The following RCSD1 variants were observed in gnomAD, a reference collection of about 807,000 sequenced individuals.
RCSD1 encodes the protein capZ-interacting protein.
Under a neutral mutation model 42.5 loss-of-function variants are expected in RCSD1, and 26 were observed. The ratio of observed to expected loss-of-function variants is 0.61; its 90% confidence interval spans 0.45 to 0.85. The LOEUF (loss-of-function observed/expected upper bound fraction) is 0.85, where lower values mean the gene tolerates loss of function less well. Among genes scored for constraint, RCSD1 ranks in the 40% least tolerant of loss-of-function variants. The pLI is 0.00. For synonymous variants in RCSD1, 220 were observed against 212.2 expected (o/e 1.04, Z -0.32); for missense variants, 571 against 528.3 (o/e 1.08, Z -0.79).
intron 2 of RCSD1, 125 bp downstream of exon 2, chr1:167,684,126 G>A: frequency 1.4e-6 from 1 of 727,224 alleles, no homozygotes; most frequent in East Asian, 2.5e-5. Flanking sequence ...AGAAGCCAGG[G>A]GCTGGAGGGG....
chr1:167,655,656 G>A (rs1371990323), intron 1 of RCSD1, among the ~76,000 whole-genome samples: 1 of 152,158 alleles, frequency 6.6e-6, no homozygotes, highest in Non-Finnish European at 1.5e-5. Flanking sequence ...AATACCAGCT[G>A]ATAAGAGGTA....
At chr1:167,695,740 G>A (rs1659484892) in intron 5 of RCSD1, among the ~76,000 whole-genome samples, 1 of 151,926 alleles carries the variant, frequency 6.6e-6, no homozygotes, top group African/African-American at 2.4e-5. Flanking sequence ...CCAGGCTCCT[G>A]CAGCTTCTGG....
chr1:167,636,919 T>C (rs1657874655), intron 1 of RCSD1, among the ~76,000 whole-genome samples: 2 of 152,202 alleles, frequency 1.3e-5, no homozygotes, highest in Admixed American at 1.3e-4. Context: ...AAGCACACAC[T>C]GAGCCCTTAC....
chr1:167,632,739 G>T (rs1346443157), intron 1 of RCSD1, among the ~76,000 whole-genome samples: 1 of 138,704 alleles, frequency 7.2e-6, no homozygotes. Context: ...TTGGACAGTG[G>T]CTGCTTTTGA....
At chr1:167,635,588 C>T (rs1314415276) in intron 1 of RCSD1, among the ~76,000 whole-genome samples, 1 of 152,214 alleles carries the variant, frequency 6.6e-6, no homozygotes, top group Non-Finnish European at 1.5e-5. Context: ...GGCGGCTCAG[C>T]AGCCCGGTAA....
At chr1:167,653,419 G>A (rs1481364847) in intron 1 of RCSD1, among the ~76,000 whole-genome samples, 1 of 152,184 alleles carries the variant, frequency 6.6e-6, no homozygotes, top group Non-Finnish European at 1.5e-5. Flanking sequence ...TGGGGGGAGA[G>A]TTTCTAAAAT....
intron 1 of RCSD1, among the ~76,000 whole-genome samples, chr1:167,676,570 A>T (rs773700944): frequency 6.6e-6 from 1 of 151,946 alleles, no homozygotes; most frequent in Non-Finnish European, 1.5e-5. Flanking sequence ...TTATGCTTGT[A>T]CAACAGTTGG....
chr1:167,702,253 G>A (rs1467626549), intron 6 of RCSD1, among the ~76,000 whole-genome samples: 1 of 152,214 alleles, frequency 6.6e-6, no homozygotes, highest in Non-Finnish European at 1.5e-5. Flanking sequence ...AGTTCCATAA[G>A]TGCGCCAAAG....
intron 4 of RCSD1, among the ~76,000 whole-genome samples, chr1:167,693,426 C>G (rs61808918): frequency 0.013 from 2,030 of 152,298 alleles, 29 homozygotes; most frequent in Non-Finnish European, 0.019. Flanking sequence ...TCATTTTGAT[C>G]GGGTCACACC....
rs1466664739 is a variant in RCSD1 at position 167,683,772 on chromosome 1, C to A, written c.7-128C>A. 3.7e-5 allele frequency: 31 copies of A among 843,042 alleles called. No individual in the cohort carries two copies. The East Asian group carries it at 6.6e-4, about 18-fold the overall frequency. The allele number at this position is 843,042 out of a possible 1,614,324, so 52.2% of individuals were successfully genotyped here. ...TTTTTTAAGTCCTTGAATGCAGGAGCCAGTTGGATAATGCTGTTAAAATAC... is the reference window on the plus strand; with the variant it reads ...TTTTTTAAGTCCTTGAATGCAGGAGACAGTTGGATAATGCTGTTAAAATAC... On this transcript the variant is annotated intron_variant, in intron 1 of 6. Transcript: ENST00000367854.
intron 1 of RCSD1, among the ~76,000 whole-genome samples, chr1:167,678,568 A>G (rs1026710533): frequency 6.6e-6 from 1 of 151,468 alleles, no homozygotes; most frequent in Non-Finnish European, 1.5e-5. Context: ...AGCCCTGTTC[A>G]CTCCCGCACC....
chr1:167,630,628 G>T, intron 1 of RCSD1, 199 bp downstream of exon 1: 2 of 432,740 alleles, frequency 4.6e-6, no homozygotes, highest in South Asian at 1.1e-4. Flanking sequence ...AGGACACCCG[G>T]GTTGGGAGGC....
intron 1 of RCSD1, among the ~76,000 whole-genome samples, chr1:167,670,352 C>T (rs199855950): frequency 2.3e-5 from 1 of 42,594 alleles, no homozygotes; most frequent in African/African-American, 1.1e-4. Flanking sequence ...TTTCCCTTTG[C>T]AAAAGAAAAA....
chr1:167,638,170 A>G (rs1657908558), intron 1 of RCSD1, among the ~76,000 whole-genome samples: 1 of 152,106 alleles, frequency 6.6e-6, no homozygotes, highest in Admixed American at 6.5e-5. Context: ...TCTGAAGCAC[A>G]TTCCCAGGAT....
chr1:167,640,566 T>A (rs1657980284), intron 1 of RCSD1: 2 of 152,256 alleles, frequency 1.3e-5, no homozygotes, highest in Non-Finnish European at 2.9e-5. Context: ...TTTTTCCTCC[T>A]CAAGACAGGG....
chr1:167,698,807 G>GTTTT (rs113396577), intron 6 of RCSD1, among the ~76,000 whole-genome samples: 1 of 148,530 alleles, frequency 6.7e-6, no homozygotes. Context: ...TTTTGTTTTT[G>GTTTT]TTTTTGTTTT....
chr1:167,669,212 G>T (rs1558082867), intron 1 of RCSD1, among the ~76,000 whole-genome samples: 1 of 152,232 alleles, frequency 6.6e-6, no homozygotes, highest in Non-Finnish European at 1.5e-5. Context: ...AGGGATCATG[G>T]ACAAATAATT....
At chr1:167,680,019 G>A (rs933053888) in intron 1 of RCSD1, among the ~76,000 whole-genome samples, 2 of 152,118 alleles carry the variant, frequency 1.3e-5, no homozygotes, top group African/African-American at 4.8e-5. Flanking sequence ...TTTTCTCCTA[G>A]CCTTGGCAAA....
chr1:167,676,310 C>A (rs904177002), intron 1 of RCSD1, among the ~76,000 whole-genome samples: 1 of 152,202 alleles, frequency 6.6e-6, no homozygotes, highest in Non-Finnish European at 1.5e-5. Context: ...AGTGCATCAG[C>A]CTCCTTCCTG....
Sources: gnomAD v4.1 joint callset for allele counts (sites outside exome capture counted in the v4.1 genomes callset) on GRCh38, gnomAD v4.1.1 for gene constraint, MANE v1.5 for transcripts, NCBI Gene and HGNC (gene_info 2026-07-23, HGNC 2026-07-21) for gene names.